Variants in CADM4 observed in about 807,000 individuals in gnomAD.
The protein encoded by CADM4 is TSLC1-like 2.
CADM4 carries 13 observed loss-of-function variants against 43.9 expected under a neutral mutation model. That is an observed-to-expected ratio of 0.30 (90% CI 0.19 to 0.47). The LOEUF is 0.47. CADM4 is among the 20% of genes least tolerant of loss of function. CADM4 has a pLI of 1.00. For synonymous variants in CADM4, 209 were observed against 220.9 expected (o/e 0.95, Z 0.48); for missense variants, 420 against 527.0 (o/e 0.80, Z 1.99).
chr19:43,631,334 C>T (rs1388405149), intron 1 of CADM4, among the ~76,000 whole-genome samples: 11 of 150,488 alleles, frequency 7.3e-5, no homozygotes, highest in Admixed American at 6.6e-4. Flanking sequence ...GAGCAAGACT[C>T]CGTTTCAAAA....
upstream of CADM4, chr19:43,639,907 C>T (rs1600104509): frequency 1.2e-6 from 1 of 805,364 alleles, no homozygotes; most frequent in African/African-American, 1.9e-5. Context: ...GGCGCCGAGG[C>T]CGGGGCGGGG....
intron 7 of CADM4, 113 bp from the exon 8 acceptor site, chr19:43,624,355 T>G: frequency 2.2e-6 from 3 of 1,343,338 alleles, no homozygotes; most frequent in Non-Finnish European, 3.1e-6. Flanking sequence ...CCCTTTTATG[T>G]GCCACACCCC....
In CADM4 at chr19:43,623,504, G is replaced by A. The variant is rs1973472980; in HGVS notation, c.1058-65C>T. ...TTGTGGATCCAGGAGTTGGACAGAAGTATAAGGGAAGAGGGAGACAGACAA... is the reference window on the plus strand; with the variant it reads ...TTGTGGATCCAGGAGTTGGACAGAAATATAAGGGAAGAGGGAGACAGACAA... On this transcript the variant is annotated intron_variant, in intron 8 of 8. Coordinates refer to ENST00000222374, the MANE Select transcript of CADM4 (RefSeq NM_145296.2). The surrounding 1 kb of genome is among the most constrained non-coding windows in gnomAD (Gnocchi z 4.4). The A allele has an allele frequency of 7.0e-6, 7 of 1,003,072 alleles. No homozygotes were observed. Among genetic ancestry groups the A allele is most frequent in the Non-Finnish European group, 1.1e-5 (7 of 625,430 alleles). The allele number at this position is 1,003,072 out of a possible 1,614,324, so 62.1% of individuals were successfully genotyped here.
At position 43,627,504 on chromosome 19, in the gene CADM4, C is replaced by T; in HGVS notation, c.211+140G>A. 1.7e-6 allele frequency: 2 copies of T among 1,204,594 alleles called. No individual in the cohort carries two copies. The highest frequency in any genetic ancestry group is 2.3e-6 in the Non-Finnish European group (2 of 879,138). The allele number at this position is 1,204,594 out of a possible 1,614,324, so 74.6% of individuals were successfully genotyped here. The stretch of plus-strand genomic sequence containing the variant: ...ATTCAAGTCCTCCTGCCTGCAGGAC[C>T]AGCAGTCCGGGACCCCAGCCCTTTC... On this transcript the variant is annotated intron_variant, in intron 2 of 8. Coordinates refer to ENST00000222374, the MANE Select transcript of CADM4 (RefSeq NM_145296.2). This position sits in a 1 kb window ranked among gnomAD's most constrained non-coding sequence, Gnocchi z 4.0.
In CADM4 at chr19:43,637,444, G is replaced by C. The variant is rs143178334; in HGVS notation, c.64+2283C>G. Among the ~76,000 whole-genome samples the C allele has an allele frequency of 3.6e-4, 55 of 152,260 alleles. 1 individual carries two copies. The East Asian group carries it at 9.5e-3, about 26-fold the overall frequency. On this transcript the variant is annotated intron_variant, in intron 1 of 8. Transcript: ENST00000222374. ...AACGGGAAAGTAAGGCCCAGAGAGGGACAAGGACTGATGCAAAATTATACT... is the reference window on the plus strand; with the variant it reads ...AACGGGAAAGTAAGGCCCAGAGAGGCACAAGGACTGATGCAAAATTATACT...
Position 43,626,707 on chromosome 19 carries a change from G to T in CADM4, c.499+77C>A. ...TGTCCAGTGTCTGTGAAAACCTGTG[G>T]CTCCTCTCCACATATAAACAACCTC... is the stretch of plus-strand genomic sequence containing the variant. On this transcript the variant is annotated intron_variant, in intron 4 of 8. Transcript: ENST00000222374. The surrounding 1 kb of genome is among the most constrained non-coding windows in gnomAD (Gnocchi z 5.9). 1.4e-6 allele frequency: 2 copies of T among 1,468,860 alleles called. No individual in the cohort carries two copies. Among genetic ancestry groups the T allele is most frequent in the Non-Finnish European group, 9.1e-7 (1 of 1,103,088 alleles). 91.0% of individuals were successfully genotyped at this position (1,468,860 alleles called of 1,614,324 possible). A position where few individuals can be genotyped will look rare whatever the true frequency, so the allele number is the denominator to read the frequency against.
rs1568543545 is a variant in CADM4 at position 43,633,662 on chromosome 19, C to CTT, written c.65-5873_65-5872insAA. On this transcript the variant is annotated intron_variant, in intron 1 of 8. Coordinates refer to ENST00000222374, the MANE Select transcript of CADM4 (RefSeq NM_145296.2). The stretch of plus-strand genomic sequence containing the variant: ...CTCTTTTTTCTTTCTCTCTTTCTCT[C>CTT]TCTCTTTCTTTCTCTTTCTTTCTTT... Among the ~76,000 whole-genome samples, 471 of 148,426 alleles carry CTT rather than the reference C, an allele frequency of 3.2e-3. 6 individuals carry two copies. Among genetic ancestry groups the CTT allele is most frequent in the Admixed American group, 0.028 (420 of 14,904 alleles).
chr19:43,627,757 G>A lies in CADM4; in HGVS notation c.98C>T (p.Thr33Ile). The change falls in exon 2 of 9, where the codon ACA becomes ATA. Residue 33 changes from threonine (T) to isoleucine (I), a missense_variant. Thr to Ile is a moderately conservative substitution (Grantham distance 89, BLOSUM62 -1). Transcript: ENST00000222374. The surrounding 1 kb of genome is among the most constrained non-coding windows in gnomAD (Gnocchi z 4.0). ...CTCAGCCACCCCACCCTCAGCCACT[G>A]TCACGTTCTCTGTCTGTACTTCCTG... ...AGQEVQTENVTVAEGGVAEIT... is the reference protein window; with the variant it reads ...AGQEVQTENVIVAEGGVAEIT... The A allele has an allele frequency of 6.2e-7, 1 of 1,614,010 alleles. No individual in the cohort carries two copies. The highest frequency in any genetic ancestry group is 1.1e-5 in the South Asian group (1 of 91,080).
At chr19:43,632,463 C>T (rs555208940) in intron 1 of CADM4, among the ~76,000 whole-genome samples, 2 of 152,252 alleles carry the variant, frequency 1.3e-5, no homozygotes, top group East Asian at 1.9e-4. Flanking sequence ...TAAAACCCTC[C>T]GAGGGCTGCC....
Position 43,626,131 on chromosome 19 carries a change from A to G in CADM4, c.657T>C (p.Asp219=). The change falls in exon 5 of 9, where the codon GAT becomes GAC. Residue 219 remains aspartate (D), a synonymous_variant. Coordinates refer to ENST00000222374, the MANE Select transcript of CADM4 (RefSeq NM_145296.2). The surrounding 1 kb of genome is among the most constrained non-coding windows in gnomAD (Gnocchi z 5.9). ...GHSKQTQYVL[D]VQYSPTARIH... is the part of the protein sequence containing the mutation. ...GGCCCGCCGGTCACTTACACTGCAC[A>G]TCCAGCACGTACTGCGTCTGCTTGC... 6.2e-7 allele frequency: 1 copy of G among 1,613,836 alleles called. No homozygotes were observed. Among genetic ancestry groups the G allele is most frequent in the Non-Finnish European group, 8.5e-7 (1 of 1,179,896 alleles).
Position 43,627,073 on chromosome 19 carries a change from G to A in CADM4, c.364+93C>T, listed in dbSNP as rs1347291125. On this transcript the variant is annotated intron_variant, in intron 3 of 8. Transcript: ENST00000222374. This position sits in a 1 kb window ranked among gnomAD's most constrained non-coding sequence, Gnocchi z 4.0. ...CAGGAGCCAGATGCCCATCCAGGAT[G>A]TTAAAAATAGCCATGGTCTGAAAGT... The A allele has an allele frequency of 2.0e-5, 30 of 1,495,504 alleles. No individual in the cohort carries two copies. The highest frequency in any genetic ancestry group is 2.4e-5 in the Non-Finnish European group (27 of 1,114,408). 92.6% of individuals were successfully genotyped at this position (1,495,504 alleles called of 1,614,324 possible). A position where few individuals can be genotyped will look rare whatever the true frequency, so the allele number is the denominator to read the frequency against.
chr19:43,635,472 C>A (rs1296929306), intron 1 of CADM4, among the ~76,000 whole-genome samples: 1 of 138,884 alleles, frequency 7.2e-6, no homozygotes, highest in Non-Finnish European at 1.6e-5. Context: ...TGGAATCCCC[C>A]GCCTCCAGCC....
chr19:43,624,912 G>T, intron 7 of CADM4, 166 bp downstream of exon 7: 2 of 684,646 alleles, frequency 2.9e-6, no homozygotes, highest in Non-Finnish European at 4.8e-6. Flanking sequence ...ACCTGCAATA[G>T]AATGCAGCCA....
intron 1 of CADM4, among the ~76,000 whole-genome samples, chr19:43,632,922 T>TA (rs1031927120): frequency 2.6e-5 from 4 of 151,588 alleles, no homozygotes; most frequent in African/African-American, 7.3e-5. Context: ...CCGTCTCTAC[T>TA]AAAAAAATAC....
intron 1 of CADM4, among the ~76,000 whole-genome samples, chr19:43,630,286 T>TTC (rs1555776960): frequency 1.5e-5 from 2 of 136,286 alleles, no homozygotes; most frequent in Non-Finnish European, 3.1e-5. Flanking sequence ...CTTTTCTTTT[T>TTC]TTTTTTTTTT....
intron 1 of CADM4, among the ~76,000 whole-genome samples, chr19:43,635,358 C>A (rs1042025136): frequency 4.6e-5 from 7 of 151,892 alleles, no homozygotes; most frequent in African/African-American, 1.7e-4. Context: ...CGAACATCCT[C>A]GCACAAAGCG....
chr19:43,624,048 T>C (rs938593175), intron 8 of CADM4, 66 bp downstream of exon 8: 10 of 1,590,476 alleles, frequency 6.3e-6, no homozygotes, highest in Non-Finnish European at 7.7e-6. Flanking sequence ...ACCCTGGCTC[T>C]AGGCCCCGCC....
Position 43,626,950 on chromosome 19 carries a change from A to C in CADM4, c.365-32T>G. On this transcript the variant is annotated intron_variant, in intron 3 of 8. Transcript: ENST00000222374. The surrounding 1 kb of genome is among the most constrained non-coding windows in gnomAD (Gnocchi z 5.9). Reference sequence around the variant, plus strand: ...CAGGGAGAAGGGAAGTAAGGGGTTAAAGAAGGCACGAACGTGGGCTCAAAG... The same window carrying C: ...CAGGGAGAAGGGAAGTAAGGGGTTACAGAAGGCACGAACGTGGGCTCAAAG... 1 of 1,554,576 alleles carries C rather than the reference A, an allele frequency of 6.4e-7. No individual in the cohort carries two copies. Among genetic ancestry groups the C allele is most frequent in the East Asian group, 2.3e-5 (1 of 43,152 alleles).
intron 1 of CADM4, 41 bp downstream of exon 1, chr19:43,639,686 C>T: frequency 1.0e-6 from 1 of 977,906 alleles, no homozygotes; most frequent in Non-Finnish European, 1.2e-6. Flanking sequence ...AGCGCGCCCC[C>T]CGCCCCAGCC....
Sources: gnomAD v4.1 joint callset for allele counts (sites outside exome capture counted in the v4.1 genomes callset) on GRCh38, gnomAD v4.1.1 for gene constraint, Gnocchi (gnomAD v3.1) non-coding constraint, MANE v1.5 for transcripts, NCBI Gene and HGNC (gene_info 2026-07-23, HGNC 2026-07-21) for gene names.